The following ZBTB7C variants were observed in gnomAD, a reference collection of about 807,000 sequenced individuals.
The protein encoded by ZBTB7C is zinc finger and BTB domain containing 7C.
In ZBTB7C, 8 loss-of-function variants were observed where a neutral mutation model predicts 25.7. The ratio of observed to expected loss-of-function variants is 0.31; its 90% CI spans 0.18 to 0.56. ZBTB7C has a LOEUF of 0.56. ZBTB7C is among the 20% of genes least tolerant of loss of function. The pLI, the probability that ZBTB7C is intolerant of heterozygous loss-of-function variation, is 0.91. For missense variants in ZBTB7C, 824 were observed against 855.2 expected, an observed-to-expected ratio of 0.96 and a Z score of 0.46; for synonymous variants, 394 against 369.0, an observed-to-expected ratio of 1.07 and a Z score of -0.78.
At position 48,330,990 on chromosome 18, in the gene ZBTB7C, A is replaced by C. The variant is rs191110774; in HGVS notation, c.-79+7184T>G. On this transcript the variant is annotated intron_variant, in intron 2 of 4. Coordinates refer to ENST00000590800, the MANE Select transcript of ZBTB7C (RefSeq NM_001318841.2). ...CCATCTAAATCTGCCCCAGACTTTC[A>C]GGTCAAGGGTTCCCTCCTCCAGGTG... 1.7e-3 allele frequency among the ~76,000 whole-genome samples: 257 copies of C among 152,288 alleles called. 1 individual carries two copies. The highest frequency in any genetic ancestry group is 6.0e-3 in the African/African-American group (250 of 41,566).
chr18:48,336,527 A>C (rs1398913467), intron 2 of ZBTB7C, among the ~76,000 whole-genome samples: 1 of 151,906 alleles, frequency 6.6e-6, no homozygotes, highest in Non-Finnish European at 1.5e-5. Flanking sequence ...CAGGCTCCAC[A>C]CTCCCTCCCG....
intron 3 of ZBTB7C, among the ~76,000 whole-genome samples, chr18:48,134,344 C>G (rs1458336078): frequency 6.6e-6 from 1 of 152,178 alleles, no homozygotes; most frequent in Non-Finnish European, 1.5e-5. Flanking sequence ...TTTATGGCTG[C>G]TCTGTCTCAA....
chr18:48,162,012 C>T (rs1453481363), intron 3 of ZBTB7C, among the ~76,000 whole-genome samples: 1 of 138,190 alleles, frequency 7.2e-6, no homozygotes, highest in Non-Finnish European at 1.7e-5. Context: ...GAGGCCGGCG[C>T]CTGCCCGGGC....
intron 2 of ZBTB7C, among the ~76,000 whole-genome samples, chr18:48,257,852 T>G (rs1464769180): frequency 6.6e-6 from 1 of 151,456 alleles, no homozygotes; most frequent in African/African-American, 2.4e-5. Context: ...CAAACATCCA[T>G]TTCTGATTAA....
chr18:48,031,338 G>C (rs932004640), intron 4 of ZBTB7C, among the ~76,000 whole-genome samples: 4 of 152,130 alleles, frequency 2.6e-5, no homozygotes, highest in African/African-American at 9.7e-5. Flanking sequence ...AGGAAGGCTG[G>C]AGAGCCCCTG....
chr18:48,367,208 C>T (rs377716725), intron 1 of ZBTB7C, among the ~76,000 whole-genome samples: 9,152 of 51,874 alleles, frequency 0.18, 1,004 homozygotes, highest in Non-Finnish European at 0.24. Flanking sequence ...TATATACACA[C>T]ACACACACAC....
intron 3 of ZBTB7C, among the ~76,000 whole-genome samples, chr18:48,075,053 G>A (rs886520390): frequency 2.6e-5 from 4 of 152,204 alleles, no homozygotes; most frequent in Non-Finnish European, 4.4e-5. Flanking sequence ...AGAGAAGAGG[G>A]AGGTGGCACA....
intron 2 of ZBTB7C, among the ~76,000 whole-genome samples, chr18:48,251,475 T>C (rs1380127497): frequency 6.6e-6 from 1 of 152,100 alleles, no homozygotes; most frequent in African/African-American, 2.4e-5. Flanking sequence ...AGCCCTCAAA[T>C]CATTTCCAAC....
chr18:48,323,774 T>G (rs554108914), intron 2 of ZBTB7C, among the ~76,000 whole-genome samples: 2 of 152,112 alleles, frequency 1.3e-5, no homozygotes, highest in Non-Finnish European at 2.9e-5. Context: ...GGTGTGCAGT[T>G]TACCCTCCAG....
intron 1 of ZBTB7C, among the ~76,000 whole-genome samples, chr18:48,396,518 C>CT (rs1445357478): frequency 6.6e-6 from 1 of 152,224 alleles, no homozygotes; most frequent in African/African-American, 2.4e-5. Flanking sequence ...CATAGGAGGG[C>CT]TTTTTTTGTT....
intron 2 of ZBTB7C, among the ~76,000 whole-genome samples, chr18:48,319,629 G>A: frequency 6.6e-6 from 1 of 152,268 alleles, no homozygotes; most frequent in East Asian, 1.9e-4. Flanking sequence ...AAGGCTAAAA[G>A]TAATGATAAT....
chr18:48,264,862 C>T (rs544627799), intron 2 of ZBTB7C, among the ~76,000 whole-genome samples: 1 of 152,302 alleles, frequency 6.6e-6, no homozygotes, highest in East Asian at 1.9e-4. Flanking sequence ...TCGTCTCAAT[C>T]AACCCCCACG....
At chr18:48,398,935 T>C (rs1568424845) in intron 1 of ZBTB7C, among the ~76,000 whole-genome samples, 1 of 152,256 alleles carries the variant, frequency 6.6e-6, no homozygotes, top group Non-Finnish European at 1.5e-5. Flanking sequence ...ATTCTTAGAT[T>C]GCTATAAATC....
intron 3 of ZBTB7C, among the ~76,000 whole-genome samples, chr18:48,170,073 A>C (rs1437470489): frequency 6.6e-6 from 1 of 151,954 alleles, no homozygotes; most frequent in African/African-American, 2.4e-5. Flanking sequence ...CTGGAACTGC[A>C]CTCCCCACAA....
At chr18:48,068,895 C>T (rs1241913735) in intron 3 of ZBTB7C, among the ~76,000 whole-genome samples, 2 of 152,348 alleles carry the variant, frequency 1.3e-5, no homozygotes, top group Middle Eastern at 3.4e-3. Flanking sequence ...ATAATGTCTC[C>T]TCTCAGGAGG....
intron 2 of ZBTB7C, among the ~76,000 whole-genome samples, chr18:48,301,915 G>A (rs937347465): frequency 6.6e-5 from 10 of 152,262 alleles, no homozygotes; most frequent in South Asian, 2.1e-4. Context: ...CTAGAGCAGC[G>A]CTCTGATGGA....
intron 3 of ZBTB7C, among the ~76,000 whole-genome samples, chr18:48,041,918 A>T (rs2036262446): frequency 6.6e-6 from 1 of 152,224 alleles, no homozygotes; most frequent in Non-Finnish European, 1.5e-5. Flanking sequence ...TGTCAGCCTC[A>T]TGAAAATATC....
At position 48,373,918 on chromosome 18, in the gene ZBTB7C, G is replaced by A. The variant is rs367861821; in HGVS notation, c.-304+35308C>T. On this transcript the variant is annotated intron_variant, in intron 1 of 4. Coordinates refer to ENST00000590800, the MANE Select transcript of ZBTB7C (RefSeq NM_001318841.2). ...GGAGCTTGCAGTGAGCTGAGATCGC[G>A]CCACTGCACTCCAGCCTGGGCAACA... Among the ~76,000 whole-genome samples, 32 of 150,714 alleles carry A rather than the reference G, an allele frequency of 2.1e-4. No homozygotes were observed. The South Asian group carries it at 2.7e-3, about 13-fold the overall frequency.
intron 1 of ZBTB7C, among the ~76,000 whole-genome samples, chr18:48,355,389 C>T (rs9953510): frequency 0.36 from 54,003 of 151,980 alleles, 10,725 homozygotes; most frequent in East Asian, 0.7. Flanking sequence ...GTCTGCTTAG[C>T]GGAGCCAAAC....
Sources: allele counts gnomAD v4.1 joint callset (sites outside exome capture counted in the v4.1 genomes callset), GRCh38; gene constraint gnomAD v4.1.1; transcripts MANE v1.5; gene names NCBI Gene and HGNC (gene_info 2026-07-23, HGNC 2026-07-21).